Variants in NHSL2 observed in about 807,000 individuals in gnomAD.
The protein encoded by NHSL2 is NHS like 2.
NHSL2 carries 27 observed loss-of-function variants against 53.4 expected under a neutral mutation model. The observed-to-expected ratio is 0.51, with a 90% CI of 0.37 to 0.70. NHSL2 has a LOEUF of 0.70. NHSL2 is among the 30% of genes least tolerant of loss of function. The probability of loss-of-function intolerance (pLI) is 0.00; values close to 1 mark genes in which losing one functional copy is unlikely to be tolerated. For missense variants in NHSL2, 892 were observed against 980.1 expected (o/e 0.91, Z 1.20); for synonymous variants, 408 against 404.1 (o/e 1.01, Z -0.12).
chrX:72,018,784 G>T (rs891689848), intron 1 of NHSL2, among the ~76,000 whole-genome samples: 11 of 112,857 alleles, frequency 9.7e-5, no homozygotes, highest in Non-Finnish European at 1.5e-4. Context: ...GTGCGGCTGC[G>T]GGGCCACCGG....
chrX:72,113,832 T>C (rs2042113099), intron 1 of NHSL2, among the ~76,000 whole-genome samples: 1 of 112,361 alleles, frequency 8.9e-6, no homozygotes, highest in Admixed American at 9.4e-5. Context: ...GGATGGTCTC[T>C]TGGTGCCTGG....
chrX:71,911,281 C>A lies in NHSL2; in HGVS notation c.194C>A (p.Thr65Lys). The A allele has an allele frequency of 8.8e-7, 1 of 1,141,129 alleles. No individual in the cohort carries two copies. The highest frequency in any genetic ancestry group is 1.2e-6 in the Non-Finnish European group (1 of 864,529). 94.0% of individuals were successfully genotyped at this position (1,141,129 alleles called of 1,213,427 possible). A position where few individuals can be genotyped will look rare whatever the true frequency, so the allele number is the denominator to read the frequency against. Residue 65 changes from threonine to lysine, a missense_variant, in exon 1 of 8, where the codon ACA (threonine) becomes AAA (lysine). Physicochemically the swap from Thr to Lys is moderately conservative, Grantham distance 78 (BLOSUM62 -1). Transcript: ENST00000633930. The stretch of plus-strand genomic sequence containing the variant: ...CACCTGCTGGCCCTGGGGCGCCGCA[C>A]AGACAGCCTGTACCGGCGCACCGTG... ...EGHLLALGRR[T>K]DSLYRRTVRL...
At chrX:71,981,314 G>A (rs1231456545) in intron 1 of NHSL2, among the ~76,000 whole-genome samples, 1 of 112,050 alleles carries the variant, frequency 8.9e-6, no homozygotes, top group African/African-American at 3.2e-5. Flanking sequence ...TTTGGGCCAA[G>A]GCGGGTGGAT....
rs1289518217 is a variant in NHSL2, at chrX:72,060,123, G to C, written c.281-71956G>C. ...GCCATGTGGTGAAGCACAAAGACTA[G>C]TCTTTGAAGTCCATCTAGCTGTGTG... On this transcript the variant is annotated intron_variant, in intron 1 of 7. Transcript: ENST00000633930. Among the ~76,000 whole-genome samples the C allele has an allele frequency of 3.6e-5, 4 of 112,254 alleles. No individual in the cohort carries two copies. In the Admixed American group the frequency reaches 3.8e-4, roughly 11 times the overall value.
chrX:72,105,936 G>A (rs1029723575), intron 1 of NHSL2, among the ~76,000 whole-genome samples: 2 of 112,242 alleles, frequency 1.8e-5, no homozygotes, highest in African/African-American at 6.5e-5. Flanking sequence ...GAGGCCGGGC[G>A]CGGTGGCTCA....
chrX:72,092,603 A>G (rs1475549987), intron 1 of NHSL2, among the ~76,000 whole-genome samples: 2 of 111,597 alleles, frequency 1.8e-5, no homozygotes, highest in Admixed American at 9.4e-5. Flanking sequence ...TCAACAAAAT[A>G]TTTACTGAAT....
chrX:71,953,054 C>G (rs1005543451), intron 1 of NHSL2, among the ~76,000 whole-genome samples: 1 of 111,384 alleles, frequency 9.0e-6, no homozygotes, highest in East Asian at 2.8e-4. Context: ...CCTTGCCTGA[C>G]GTCCTTCTGG....
intron 1 of NHSL2, among the ~76,000 whole-genome samples, chrX:72,050,556 G>C (rs2042334258): frequency 8.9e-6 from 1 of 111,843 alleles, no homozygotes; most frequent in South Asian, 3.7e-4. Context: ...ATGAACAAAT[G>C]TTAACATTTG....
At chrX:72,081,270 C>T (rs980467431) in intron 1 of NHSL2, among the ~76,000 whole-genome samples, 2 of 112,214 alleles carry the variant, frequency 1.8e-5, no homozygotes, top group Admixed American at 1.9e-4. Context: ...ATGCGGTCTG[C>T]GTGGGGCCTC....
intron 1 of NHSL2, among the ~76,000 whole-genome samples, chrX:71,916,837 T>C (rs1367965089): frequency 8.9e-6 from 1 of 112,821 alleles, no homozygotes; most frequent in Non-Finnish European, 1.9e-5. Flanking sequence ...CACTATAATG[T>C]TATCTTCATG....
chrX:72,100,050 A>G (rs1443823014), intron 1 of NHSL2, among the ~76,000 whole-genome samples: 2 of 111,282 alleles, frequency 1.8e-5, no homozygotes, highest in African/African-American at 6.6e-5. Context: ...AAAATCCTCA[A>G]CTTCACCACT....
intron 1 of NHSL2, among the ~76,000 whole-genome samples, chrX:71,961,718 T>C (rs2041868541): frequency 9.0e-6 from 1 of 111,467 alleles, no homozygotes; most frequent in Non-Finnish European, 1.9e-5. Flanking sequence ...CAGGCTGGAG[T>C]GCGGTGCCAC....
rs192418180 is a variant in NHSL2, at chrX:71,987,104, G to C, written c.280+75737G>C. Among the ~76,000 whole-genome samples the C allele has an allele frequency of 4.5e-5, 5 of 111,658 alleles. No individual in the cohort carries two copies. The East Asian group carries it at 1.4e-3, about 31-fold the overall frequency. ...CTCACGCCTGTAATCCCAGCTACTC[G>C]GGAGGCTGAGGCATGAGAATGGTGT... On this transcript the variant is annotated intron_variant, in intron 1 of 7. Coordinates refer to ENST00000633930, the MANE Select transcript of NHSL2 (RefSeq NM_001013627.3).
intron 1 of NHSL2, chrX:72,129,644 G>T: frequency 2.2e-6 from 1 of 451,272 alleles, no homozygotes; most frequent in Non-Finnish European, 3.7e-6. Context: ...GGTGGCCCTG[G>T]TTGGGCACAC....
intron 1 of NHSL2, among the ~76,000 whole-genome samples, chrX:71,964,128 A>G (rs1291383954): frequency 1.0e-5 from 1 of 99,418 alleles, no homozygotes; most frequent in Non-Finnish European, 2.0e-5. Context: ...GTTTTGTTAC[A>G]TAGGTATACA....
intron 1 of NHSL2, among the ~76,000 whole-genome samples, chrX:72,019,978 C>G (rs2042152384): frequency 8.9e-6 from 1 of 111,956 alleles, no homozygotes. Flanking sequence ...CCATCTGCTT[C>G]CTCTGTCTTT....
chrX:72,026,233 GAA>G (rs2147905027), intron 1 of NHSL2, among the ~76,000 whole-genome samples: 1 of 112,165 alleles, frequency 8.9e-6, no homozygotes, highest in African/African-American at 3.2e-5. Context: ...GGGAGCTTTT[GAA>G]ATGGCGCTGC....
At chrX:71,950,201 C>T (rs1027303595) in intron 1 of NHSL2, among the ~76,000 whole-genome samples, 28 of 112,987 alleles carry the variant, frequency 2.5e-4, no homozygotes, top group African/African-American at 9.0e-4. Context: ...CAGGGGCATA[C>T]GCCAGGTGCC....
chrX:72,064,937 C>T (rs1406206081), intron 1 of NHSL2, among the ~76,000 whole-genome samples: 1 of 111,951 alleles, frequency 8.9e-6, no homozygotes, highest in East Asian at 2.8e-4. Context: ...CTAAAGCCAC[C>T]ATGCCTCCCT....
Sources: allele counts gnomAD v4.1 joint callset (sites outside exome capture counted in the v4.1 genomes callset), GRCh38; gene constraint gnomAD v4.1.1; transcripts MANE v1.5; gene names NCBI Gene and HGNC (gene_info 2026-07-23, HGNC 2026-07-21).